GDA: variants seen among roughly 807,000 people sequenced by gnomAD.
GDA encodes guanine deaminase.
In GDA, 18 loss-of-function variants were observed where a neutral mutation model predicts 59.6. The ratio of observed to expected loss-of-function variants is 0.30; its 90% CI spans 0.21 to 0.45. GDA has a LOEUF of 0.45. Ranked by LOEUF, GDA falls within the 20% of genes least tolerant of loss-of-function variation. GDA has a pLI of 1.00. For missense variants in GDA, 427 were observed against 552.3 expected (o/e 0.77, Z 2.27); for synonymous variants, 201 against 201.1 (o/e 1.00, Z 0.00).
intron 7 of GDA, among the ~76,000 whole-genome samples, chr9:72,224,195 A>T (rs1167397690): frequency 1.3e-5 from 2 of 152,348 alleles, no homozygotes; most frequent in East Asian, 1.9e-4. Flanking sequence ...TGAGAAGAAC[A>T]CACAACAAAA....
At chr9:72,191,730 T>G (rs1311616602) in intron 1 of GDA, among the ~76,000 whole-genome samples, 1 of 152,066 alleles carries the variant, frequency 6.6e-6, no homozygotes, top group Non-Finnish European at 1.5e-5. Context: ...GGATTACAGG[T>G]GTCCACCACC....
At chr9:72,126,680 C>A (rs533808097) in intron 1 of GDA, among the ~76,000 whole-genome samples, 4 of 151,300 alleles carry the variant, frequency 2.6e-5, no homozygotes, top group Admixed American at 2.6e-4. Flanking sequence ...GATTCTCCTA[C>A]CTCAGCCTCC....
chr9:72,199,244 C>T (rs1377418526), intron 2 of GDA, among the ~76,000 whole-genome samples: 1 of 152,182 alleles, frequency 6.6e-6, no homozygotes, highest in Non-Finnish European at 1.5e-5. Flanking sequence ...TGTGCACTCT[C>T]ACATTCCATG....
chr9:72,236,590 G>A (rs1220605111), intron 10 of GDA, among the ~76,000 whole-genome samples: 2 of 151,956 alleles, frequency 1.3e-5, no homozygotes, highest in African/African-American at 4.8e-5. Context: ...TCCAATCAAA[G>A]GCAAAAATAC....
chr9:72,144,087 T>C (rs1409163245), intron 1 of GDA, among the ~76,000 whole-genome samples: 2 of 152,078 alleles, frequency 1.3e-5, no homozygotes, highest in Middle Eastern at 3.2e-3. Flanking sequence ...CCGGGTATGG[T>C]AGCAGGTGCC....
chr9:72,153,072 C>G (rs1168356185), intron 1 of GDA, among the ~76,000 whole-genome samples: 1 of 152,120 alleles, frequency 6.6e-6, no homozygotes. Flanking sequence ...GCTTGTTTTT[C>G]TCAGGTTTGT....
At chr9:72,234,254 G>T (rs889746525) in intron 10 of GDA, among the ~76,000 whole-genome samples, 3 of 152,112 alleles carry the variant, frequency 2.0e-5, no homozygotes, top group African/African-American at 7.2e-5. Context: ...AATGTTGTAG[G>T]TAAGAATTTG....
chr9:72,126,965 C>A (rs994718225), intron 1 of GDA, among the ~76,000 whole-genome samples: 1 of 151,988 alleles, frequency 6.6e-6, no homozygotes, highest in African/African-American at 2.4e-5. Context: ...TTACTAGCCG[C>A]GATAGATCAG....
rs1346883668 is a variant in GDA, at chr9:72,149,699, T to C, written c.123+17T>C. The C allele has an allele frequency of 6.3e-7, 1 of 1,583,730 alleles. No individual in the cohort carries two copies. The highest frequency in any genetic ancestry group is 2.4e-5 in the East Asian group (1 of 41,488). On this transcript the variant is annotated intron_variant, in intron 1 of 13. Coordinates refer to ENST00000358399, the MANE Select transcript of GDA (RefSeq NM_004293.5). ...AGCGGCAAAGTAAGCAGGCGCGGGG[T>C]CGAGCGCACTCCGACGGGCGGGAGG...
At chr9:72,244,267 A>C (rs1754392606) in intron 11 of GDA, among the ~76,000 whole-genome samples, 1 of 152,166 alleles carries the variant, frequency 6.6e-6, no homozygotes, top group Non-Finnish European at 1.5e-5. Flanking sequence ...CCCAGTTTAC[A>C]CCTTCCTCAG....
chr9:72,133,308 AAAT>A lies in GDA; in HGVS notation c.-100+18497_-100+18499del, dbSNP rs1554722433. ...TGTCTAAAAAAAAAAAAAAAAAAAA[AAAT>A]AATAATAATAATAATAATAATTTTA... is the stretch of plus-strand genomic sequence containing the variant. On this transcript the variant is annotated intron_variant, in intron 1 of 13. Coordinates refer to the GDA transcript ENST00000545168. Among the ~76,000 whole-genome samples the A allele has an allele frequency of 1.3e-3, 129 of 101,520 alleles. 1 individual carries two copies. The highest frequency in any genetic ancestry group is 3.6e-3 in the African/African-American group (116 of 32,464). The allele number at this position is 101,520 out of a possible 152,430, so 66.6% of individuals were successfully genotyped here.
chr9:72,229,744 G>C (rs1360213895), intron 9 of GDA, among the ~76,000 whole-genome samples: 2 of 152,180 alleles, frequency 1.3e-5, no homozygotes, highest in Non-Finnish European at 2.9e-5. Context: ...GAAATCTAGG[G>C]ACTTTGCAAA....
rs553843230 is a variant in GDA, at chr9:72,251,032, G to C, written c.*2690G>C. On this transcript the variant is annotated 3_prime_UTR_variant, in exon 14 of 14. Transcript: ENST00000358399. ...AGACTGTTCCCTAATTTATTCTCTTGGCTGGTTCTCTCATTGAATTATCAG... is the reference window on the plus strand; with the variant it reads ...AGACTGTTCCCTAATTTATTCTCTTCGCTGGTTCTCTCATTGAATTATCAG... The C allele has an allele frequency of 1.5e-4, 79 of 541,286 alleles. No individual in the cohort carries two copies. The highest frequency in any genetic ancestry group is 7.5e-4 in the Admixed American group (23 of 30,638). The allele number at this position is 541,286 out of a possible 1,614,324, so 33.5% of individuals were successfully genotyped here.
At chr9:72,207,455 T>C (rs1834859161) in intron 3 of GDA, among the ~76,000 whole-genome samples, 2 of 152,278 alleles carry the variant, frequency 1.3e-5, no homozygotes, top group East Asian at 3.8e-4. Context: ...CATCCTGTCC[T>C]ATTCATCAAA....
At chr9:72,211,765 T>C (rs1835403681) in intron 4 of GDA, among the ~76,000 whole-genome samples, 2 of 152,260 alleles carry the variant, frequency 1.3e-5, no homozygotes, top group Admixed American at 1.3e-4. Flanking sequence ...CAATAGTGGA[T>C]GCAGGGACCA....
At chr9:72,125,406 A>C (rs1337748937) in intron 1 of GDA, among the ~76,000 whole-genome samples, 1 of 135,260 alleles carries the variant, frequency 7.4e-6, no homozygotes, top group Admixed American at 8.7e-5. Flanking sequence ...CTCAGGTTGG[A>C]GTGCAGTGGC....
chr9:72,149,342 A>G (rs963186383), upstream of GDA: 6 of 546,308 alleles, frequency 1.1e-5, no homozygotes, highest in Admixed American at 1.1e-4. Context: ...CGCGGAGCCA[A>G]CTCGCGGGAG....
At chr9:72,154,002 G>T (rs917584372) in intron 1 of GDA, among the ~76,000 whole-genome samples, 1 of 152,000 alleles carries the variant, frequency 6.6e-6, no homozygotes, top group African/African-American at 2.4e-5. Context: ...TAATTCATTT[G>T]CAAATATTTA....
intron 12 of GDA, among the ~76,000 whole-genome samples, 197 bp downstream of exon 12, chr9:72,245,475 T>C (rs562107747): frequency 6.6e-6 from 1 of 152,348 alleles, no homozygotes; most frequent in South Asian, 2.1e-4. Flanking sequence ...AAAACTTTTA[T>C]ATTTTGAATG....
Sources: gnomAD v4.1 joint callset for allele counts (sites outside exome capture counted in the v4.1 genomes callset) on GRCh38, gnomAD v4.1.1 for gene constraint, MANE v1.5 for transcripts, NCBI Gene and HGNC (gene_info 2026-07-23, HGNC 2026-07-21) for gene names.